MXRA7: variants seen among roughly 807,000 people sequenced by gnomAD.
The protein encoded by MXRA7 is matrix remodeling associated 7.
A neutral mutation model predicts 17.4 loss-of-function variants in MXRA7; 18 were observed. The observed-to-expected ratio is 1.03, with a 90% CI of 0.71 to 1.53. The LOEUF (loss-of-function observed/expected upper bound fraction) is 1.53. Among genes scored for constraint, MXRA7 ranks in the 40% most tolerant of loss-of-function variants. The probability of loss-of-function intolerance (pLI) is 0.00; values close to 1 mark genes in which losing one functional copy is unlikely to be tolerated. For missense variants in MXRA7, 141 were observed against 209.3 expected (o/e 0.67, Z 2.01); for synonymous variants, 70 against 101.7 (o/e 0.69, Z 1.87).
exon 4 of MXRA7, chr17:76,672,600 T>G (rs2076210616): frequency 6.6e-6 from 1 of 152,280 alleles, no homozygotes; most frequent in African/African-American, 2.4e-5. Flanking sequence ...CTGTATGAAT[T>G]TGCAAGACTG....
chr17:76,692,127 G>C (rs1217889293), intron 1 of MXRA7, among the ~76,000 whole-genome samples: 1 of 151,648 alleles, frequency 6.6e-6, no homozygotes. Context: ...AGGCAGGTGC[G>C]TCGCTTGAGC....
intron 3 of MXRA7, chr17:76,684,653 C>T: frequency 2.3e-6 from 1 of 441,072 alleles, no homozygotes; most frequent in Non-Finnish European, 4.5e-6. Flanking sequence ...GAAGGATGAG[C>T]ACCAAGAATC....
At chr17:76,701,355 GTC>G (rs2076589064) in intron 1 of MXRA7, among the ~76,000 whole-genome samples, 1 of 150,932 alleles carries the variant, frequency 6.6e-6, no homozygotes, top group Non-Finnish European at 1.5e-5. Flanking sequence ...GCAGCTGAGC[GTC>G]GGGGGGGTGG....
chr17:76,704,154 T>A (rs113656186), intron 1 of MXRA7, among the ~76,000 whole-genome samples: 2 of 148,506 alleles, frequency 1.3e-5, no homozygotes, highest in African/African-American at 2.5e-5. Context: ...CAGCAGGGAA[T>A]AGAATGACTA....
intron 1 of MXRA7, among the ~76,000 whole-genome samples, chr17:76,695,161 A>AAAAAC (rs770458123): frequency 4.6e-5 from 7 of 152,192 alleles, no homozygotes; most frequent in Admixed American, 6.5e-5. Flanking sequence ...ACTCCGTCTC[A>AAAAAC]AAAACAAAAC....
intron 1 of MXRA7, chr17:76,690,261 T>C (rs949344106): frequency 1.3e-5 from 2 of 152,204 alleles, no homozygotes; most frequent in African/African-American, 4.8e-5. Context: ...CAGCTTTTCC[T>C]TTCCGTCTTA....
chr17:76,703,657 G>C (rs1338697057), intron 1 of MXRA7: 2 of 151,318 alleles, frequency 1.3e-5, no homozygotes, highest in Non-Finnish European at 2.9e-5. Context: ...TTTAGCAGTA[G>C]GGGGTTGTAT....
intron 1 of MXRA7, among the ~76,000 whole-genome samples, chr17:76,708,757 C>T (rs182358526): frequency 6.6e-6 from 1 of 152,254 alleles, no homozygotes; most frequent in Non-Finnish European, 1.5e-5. Context: ...GAGCTTTGGC[C>T]AGCTCAGGAA....
intron 1 of MXRA7, among the ~76,000 whole-genome samples, chr17:76,691,576 C>A (rs1252656763): frequency 6.6e-6 from 1 of 152,066 alleles, no homozygotes; most frequent in Non-Finnish European, 1.5e-5. Context: ...TGATTCCAGG[C>A]AGTTAATGTC....
intron 3 of MXRA7, among the ~76,000 whole-genome samples, chr17:76,684,424 C>G (rs1287085536): frequency 6.6e-6 from 1 of 152,192 alleles, no homozygotes; most frequent in East Asian, 1.9e-4. Flanking sequence ...GTGCAAAGGA[C>G]TGTCCCTCTG....
intron 1 of MXRA7, among the ~76,000 whole-genome samples, chr17:76,704,069 C>T (rs2076626001): frequency 6.6e-6 from 1 of 151,530 alleles, no homozygotes; most frequent in African/African-American, 2.4e-5. Flanking sequence ...TGCCACTGCG[C>T]TCCAGCCTGG....
intron 3 of MXRA7, among the ~76,000 whole-genome samples, chr17:76,682,888 C>T (rs1359384968): frequency 6.6e-6 from 1 of 152,202 alleles, no homozygotes; most frequent in East Asian, 1.9e-4. Flanking sequence ...GGCACAGTCT[C>T]GGTCCCACAG....
exon 4 of MXRA7, chr17:76,673,022 C>T (rs1409674908): frequency 6.6e-6 from 1 of 152,206 alleles, no homozygotes; most frequent in African/African-American, 2.4e-5. Flanking sequence ...GGTGGCCATG[C>T]TATAGCCTGA....
At chr17:76,675,011 TTC>T (rs1264067393), downstream of MXRA7, 3 of 152,188 alleles carry the variant, frequency 2.0e-5, no homozygotes, top group Non-Finnish European at 4.4e-5. Flanking sequence ...GCTCCGACCA[TTC>T]TGGGCCTGGA....
At chr17:76,673,065 A>G (rs555045677) in exon 4 of MXRA7, 95 of 152,286 alleles carry the variant, frequency 6.2e-4, no homozygotes, top group African/African-American at 2.0e-3. Context: ...CCGCTCTCCA[A>G]AAAGACGTCT....
At chr17:76,706,938 C>CTG (rs147238653) in intron 1 of MXRA7, among the ~76,000 whole-genome samples, 15 of 151,682 alleles carry the variant, frequency 9.9e-5, no homozygotes, top group South Asian at 2.1e-4. Flanking sequence ...CACACACACA[C>CTG]TGTGTGTGTG....
In MXRA7 at chr17:76,701,356, T is replaced by TTG. The variant is rs1248131250; in HGVS notation, c.342+9248_342+9249insCA. Reference sequence around the variant, plus strand: ...GGCTTTTGGTCTGAGCAGCTGAGCGTCGGGGGGGTGGATCCGGGATGAGAT... The same window carrying TTG: ...GGCTTTTGGTCTGAGCAGCTGAGCGTTGCGGGGGGGTGGATCCGGGATGAGAT... On this transcript the variant is annotated intron_variant, in intron 1 of 3. Coordinates refer to ENST00000449428, the MANE Select transcript of MXRA7 (RefSeq NM_198530.4). Among the ~76,000 whole-genome samples the TTG allele has an allele frequency of 7.4e-5, 9 of 121,794 alleles. No homozygotes were observed. In the South Asian group the frequency reaches 1.8e-3, roughly 24 times the overall value. The allele number at this position is 121,794 out of a possible 152,430, so 79.9% of individuals were successfully genotyped here.
rs1315210531 is a variant in MXRA7, at chr17:76,679,811, G to A, written c.*1056C>T. On this transcript the variant is annotated 3_prime_UTR_variant, in exon 4 of 4. Transcript: ENST00000449428. Reference sequence around the variant, plus strand: ...TCTGTGTTGAAGGCAATGACTGTGTGGCTGTTGCCATGTGGCCTGTTCTCC... The same window carrying A: ...TCTGTGTTGAAGGCAATGACTGTGTAGCTGTTGCCATGTGGCCTGTTCTCC... The A allele has an allele frequency of 2.0e-6, 1 of 511,516 alleles. No individual in the cohort carries two copies. The highest frequency in any genetic ancestry group is 2.5e-6 in the Non-Finnish European group (1 of 401,012). 31.7% of individuals were successfully genotyped at this position (511,516 alleles called of 1,614,324 possible).
intron 1 of MXRA7, among the ~76,000 whole-genome samples, chr17:76,696,718 T>G (rs1245382499): frequency 6.6e-6 from 1 of 152,166 alleles, no homozygotes; most frequent in African/African-American, 2.4e-5. Flanking sequence ...AGGCCCAAAC[T>G]GCGATGCTAA....
Sources: gnomAD v4.1 joint callset for allele counts (sites outside exome capture counted in the v4.1 genomes callset) on GRCh38, gnomAD v4.1.1 for gene constraint, MANE v1.5 for transcripts, NCBI Gene and HGNC (gene_info 2026-07-23, HGNC 2026-07-21) for gene names.